The following SLCO5A1 variants were observed in gnomAD, a reference collection of about 807,000 sequenced individuals.
SLCO5A1 encodes solute carrier organic anion transporter family member 5A1, also known as organic anion transporter polypeptide-related protein 4.
SLCO5A1 carries 39 observed loss-of-function variants against 65.1 expected under a neutral mutation model. The observed-to-expected ratio is 0.60, with a 90% CI of 0.46 to 0.78. SLCO5A1 has a LOEUF of 0.78. Ranked by LOEUF, SLCO5A1 falls within the 30% of genes least tolerant of loss-of-function variation. The probability of loss-of-function intolerance (pLI) is 0.00; values close to 1 mark genes in which losing one functional copy is unlikely to be tolerated. For synonymous variants in SLCO5A1, 438 were observed against 415.7 expected, an observed-to-expected ratio of 1.05 and a Z score of -0.65; for missense variants, 1,029 against 1,069.4, an observed-to-expected ratio of 0.96 and a Z score of 0.53.
intron 5 of SLCO5A1, among the ~76,000 whole-genome samples, chr8:69,720,545 G>A (rs1586724106): frequency 6.6e-6 from 1 of 152,338 alleles, no homozygotes; most frequent in Non-Finnish European, 1.5e-5. Context: ...ACTGAGAGTG[G>A]CCATATAAAA....
At chr8:69,744,956 A>G (rs988978966) in intron 4 of SLCO5A1, among the ~76,000 whole-genome samples, 5 of 152,216 alleles carry the variant, frequency 3.3e-5, no homozygotes, top group African/African-American at 9.6e-5. Context: ...ATAAACTAAA[A>G]TGTCCATTAA....
chr8:69,774,594 T>C (rs1156313152), intron 2 of SLCO5A1, among the ~76,000 whole-genome samples: 1 of 152,208 alleles, frequency 6.6e-6, no homozygotes, highest in African/African-American at 2.4e-5. Flanking sequence ...CTGCCACACA[T>C]GGCAGTGAAC....
intron 3 of SLCO5A1, among the ~76,000 whole-genome samples, chr8:69,757,012 G>A (rs1056312811): frequency 2.0e-5 from 3 of 152,160 alleles, no homozygotes; most frequent in Non-Finnish European, 2.9e-5. Context: ...AAGTATTAAC[G>A]CTGAATTCAA....
chr8:69,678,800 G>A (rs1376870523), intron 8 of SLCO5A1, among the ~76,000 whole-genome samples: 18 of 139,686 alleles, frequency 1.3e-4, no homozygotes, highest in Middle Eastern at 3.8e-3. Context: ...CTGAAAAACT[G>A]AAAAAAAAAA....
At chr8:69,788,461 T>C (rs1460066959) in intron 2 of SLCO5A1, among the ~76,000 whole-genome samples, 1 of 152,212 alleles carries the variant, frequency 6.6e-6, no homozygotes, top group African/African-American at 2.4e-5. Context: ...CTGTGTATTC[T>C]ACATTTAACT....
intron 5 of SLCO5A1, 128 bp from the exon 6 acceptor site, chr8:69,705,357 T>A (rs114610232): frequency 4.2e-6 from 3 of 717,486 alleles, no homozygotes; most frequent in Non-Finnish European, 4.6e-6. Context: ...TACATCTTCA[T>A]TGTGTGTGAT....
chr8:69,729,731 G>A (rs1272450414), intron 5 of SLCO5A1, among the ~76,000 whole-genome samples: 2 of 152,010 alleles, frequency 1.3e-5, no homozygotes, highest in African/African-American at 4.8e-5. Flanking sequence ...AGAGAGATTC[G>A]TAATATGCTG....
intron 3 of SLCO5A1, among the ~76,000 whole-genome samples, chr8:69,760,595 A>G (rs570573772): frequency 3.3e-5 from 5 of 152,204 alleles, no homozygotes; most frequent in African/African-American, 1.2e-4. Context: ...TACTTGGCAC[A>G]TATCTTTTCT....
chr8:69,731,092 G>T (rs561268698), intron 5 of SLCO5A1, among the ~76,000 whole-genome samples: 1 of 152,066 alleles, frequency 6.6e-6, no homozygotes, highest in East Asian at 1.9e-4. Context: ...CTGCCTCCCA[G>T]GTTCAAGTGA....
In SLCO5A1 at chr8:69,670,572, G is replaced by A. The variant is rs1813301692; in HGVS notation, c.*2297C>T. 6.6e-6 allele frequency: 1 copy of A among 152,144 alleles called. No homozygotes were observed. Among genetic ancestry groups the A allele is most frequent in the African/African-American group, 2.4e-5 (1 of 41,422 alleles). 9.4% of individuals were successfully genotyped at this position (152,144 alleles called of 1,614,324 possible). A position where few individuals can be genotyped will look rare whatever the true frequency, so the allele number is the denominator to read the frequency against. On this transcript the variant is annotated 3_prime_UTR_variant, in exon 10 of 10. Coordinates refer to ENST00000260126, the MANE Select transcript of SLCO5A1 (RefSeq NM_030958.3). Reference sequence around the variant, plus strand: ...GTGCACATTTCAGGCCCATTTCTTTGAGTTCTGGCCCAATCATCCCAAAGG... The same window carrying A: ...GTGCACATTTCAGGCCCATTTCTTTAAGTTCTGGCCCAATCATCCCAAAGG...
In SLCO5A1 at chr8:69,831,761, T is replaced by C. The variant is rs182116101; in HGVS notation, c.907+6A>G. On this transcript the variant is annotated splice_donor_region_variant and intron_variant, in intron 2 of 9. Coordinates refer to ENST00000260126, the MANE Select transcript of SLCO5A1 (RefSeq NM_030958.3). ...AAACATATCTGAGAGAACAGGAAAGTCTTACCTAGGTACAAGGAGGAGTTT... is the reference window on the plus strand; with the variant it reads ...AAACATATCTGAGAGAACAGGAAAGCCTTACCTAGGTACAAGGAGGAGTTT... 334 of 1,611,476 alleles carry C rather than the reference T, an allele frequency of 2.1e-4. 1 individual carries two copies. In the African/African-American group the frequency reaches 4.1e-3, roughly 20 times the overall value.
intron 5 of SLCO5A1, among the ~76,000 whole-genome samples, chr8:69,706,120 C>T (rs535735701): frequency 5.9e-5 from 9 of 152,308 alleles, no homozygotes; most frequent in East Asian, 1.9e-4. Context: ...AACATAGCTA[C>T]ACACAACTTC....
chr8:69,675,716 G>A (rs2130783874), intron 9 of SLCO5A1, among the ~76,000 whole-genome samples: 1 of 152,258 alleles, frequency 6.6e-6, no homozygotes, highest in South Asian at 2.1e-4. Flanking sequence ...GGGGTCAGAA[G>A]ATGCCCTTTT....
intron 2 of SLCO5A1, among the ~76,000 whole-genome samples, chr8:69,821,358 C>G (rs1820631593): frequency 6.7e-6 from 1 of 148,766 alleles, no homozygotes; most frequent in Non-Finnish European, 1.5e-5. Context: ...GACTCCGTCT[C>G]AAAAAATAAA....
In SLCO5A1 at chr8:69,669,534, G is replaced by T. The variant is rs1444341123; in HGVS notation, c.*3335C>A. ...GTTTTTTAAAAAAATAATAAAATCAGCCGGGCATGGTGGCTCATGCCTGTA... is the reference window on the plus strand; with the variant it reads ...GTTTTTTAAAAAAATAATAAAATCATCCGGGCATGGTGGCTCATGCCTGTA... On this transcript the variant is annotated 3_prime_UTR_variant, in exon 10 of 10. Transcript: ENST00000260126. 6.6e-6 allele frequency: 1 copy of T among 152,150 alleles called. No individual in the cohort carries two copies. The highest frequency in any genetic ancestry group is 1.5e-5 in the Non-Finnish European group (1 of 68,052). 9.4% of individuals were successfully genotyped at this position (152,150 alleles called of 1,614,324 possible).
In SLCO5A1 at chr8:69,761,860, A is replaced by G. The variant is rs1450064645; in HGVS notation, c.923T>C (p.Met308Thr). 1 of 1,613,284 alleles carries G rather than the reference A, an allele frequency of 6.2e-7. No individual in the cohort carries two copies. The highest frequency in any genetic ancestry group is 8.5e-7 in the Non-Finnish European group (1 of 1,179,892). ...SSLYLAIMYV[M>T]GALGPAVGYL... ...TCCCACTGCAGGGCCAAGTGCTCCC[A>G]TGACATACATGATGGCTGAGAAGAC... The change falls in exon 3 of 10, where the codon ATG becomes ACG. Residue 308 changes from methionine to threonine, a missense_variant. By Grantham distance (81) the Met-to-Thr change is moderately conservative (BLOSUM62 -1). Transcript: ENST00000260126.
intron 4 of SLCO5A1, among the ~76,000 whole-genome samples, chr8:69,743,494 A>G (rs186512834): frequency 6.6e-6 from 1 of 152,256 alleles, no homozygotes. Flanking sequence ...TAGTACTACA[A>G]AAGGTCTTTA....
At chr8:69,831,617 A>T (rs768839505) in intron 2 of SLCO5A1, 150 bp downstream of exon 2, 123 of 815,276 alleles carry the variant, frequency 1.5e-4, no homozygotes, top group Non-Finnish European at 2.1e-4. Flanking sequence ...AACTGAAAAC[A>T]CACTACAGCA....
intron 2 of SLCO5A1, among the ~76,000 whole-genome samples, chr8:69,786,503 T>A (rs1394871874): frequency 1.3e-5 from 2 of 152,224 alleles, no homozygotes; most frequent in African/African-American, 4.8e-5. Context: ...TAATGTGATG[T>A]ACCAAATTTT....
Sources: gnomAD v4.1 joint callset for allele counts (sites outside exome capture counted in the v4.1 genomes callset) on GRCh38, gnomAD v4.1.1 for gene constraint, MANE v1.5 for transcripts, NCBI Gene and HGNC (gene_info 2026-07-23, HGNC 2026-07-21) for gene names.